The following ENPP3 variants were observed in gnomAD, a reference collection of about 807,000 sequenced individuals.
ENPP3 encodes ectonucleotide pyrophosphatase/phosphodiesterase 3, also known as ectonucleotide pyrophosphatase/phosphodiesterase family member 3.
Under a neutral mutation model 117.8 loss-of-function variants are expected in ENPP3, and 104 were observed. The ratio of observed to expected loss-of-function variants is 0.88; its 90% CI spans 0.75 to 1.04. The LOEUF (loss-of-function observed/expected upper bound fraction) is 1.04. ENPP3 is among the 50% of genes least tolerant of loss of function. The pLI is 0.00. For synonymous variants in ENPP3, 380 were observed against 349.9 expected (o/e 1.09, Z -0.96); for missense variants, 1,026 against 1,051.9 (o/e 0.98, Z 0.34).
At chr6:131,744,385 G>A (rs1295444018) in intron 24 of ENPP3, among the ~76,000 whole-genome samples, 1 of 152,174 alleles carries the variant, frequency 6.6e-6, no homozygotes, top group East Asian at 1.9e-4. Context: ...CAGAACTGCA[G>A]ATCTAGATTT....
intron 18 of ENPP3, 93 bp from the exon 19 acceptor site, chr6:131,723,947 G>A (rs753657440): frequency 3.3e-5 from 28 of 846,974 alleles, no homozygotes; most frequent in East Asian, 3.1e-4. Context: ...ACATTTAATC[G>A]ATTACTACAG....
At chr6:131,676,249 G>GT (rs202004046) in intron 9 of ENPP3, among the ~76,000 whole-genome samples, 11,843 of 139,004 alleles carry the variant, frequency 0.085, 1,330 homozygotes, top group African/African-American at 0.26. Context: ...CTCTGCTCTA[G>GT]TTTTTTTTTT....
intron 2 of ENPP3, among the ~76,000 whole-genome samples, chr6:131,647,024 C>A (rs774090782): frequency 4.1e-5 from 6 of 145,294 alleles, no homozygotes; most frequent in East Asian, 2.0e-4. Context: ...AAGGCACGTG[C>A]CACTGCACCC....
In ENPP3 at chr6:131,726,198, T is replaced by C. The variant is rs775710171; in HGVS notation, c.1951T>C (p.Leu651=). The C allele has an allele frequency of 4.3e-6, 7 of 1,613,100 alleles. No individual in the cohort carries two copies. The South Asian group carries it at 6.6e-5, about 15-fold the overall frequency. Reference sequence around the variant, plus strand: ...GTGGAGTTCATACACAGTCCCCCAGTTGGTAAGTTCCTGAGTCCATTGATC... The same window carrying C: ...GTGGAGTTCATACACAGTCCCCCAGCTGGTAAGTTCCTGAGTCCATTGATC... ...PMWSSYTVPQ[L]GDTSPLPPTV... The change falls in exon 20 of 25, where the codon TTG becomes CTG. Residue 651 remains leucine, a splice_region_variant and synonymous_variant. Transcript: ENST00000357639.
intron 24 of ENPP3, among the ~76,000 whole-genome samples, chr6:131,746,035 A>C (rs1780628994): frequency 6.6e-6 from 1 of 151,848 alleles, no homozygotes; most frequent in Non-Finnish European, 1.5e-5. Context: ...GCTGGAGTGC[A>C]GTGAGCCAAG....
intron 15 of ENPP3, chr6:131,700,982 G>A (rs1356326581): frequency 6.9e-6 from 4 of 581,934 alleles, no homozygotes; most frequent in East Asian, 6.0e-5. Context: ...CGAGGGTGAT[G>A]CAGACTCTCC....
chr6:131,743,658 A>G (rs1780575139), intron 24 of ENPP3, among the ~76,000 whole-genome samples: 1 of 151,712 alleles, frequency 6.6e-6, no homozygotes, highest in African/African-American at 2.4e-5. Flanking sequence ...GACCCCATCT[A>G]TACTAAAAAT....
chr6:131,701,882 CAGAAAAAAAAAAAAAAGAAA>C (rs1779541897), intron 15 of ENPP3, among the ~76,000 whole-genome samples: 1 of 99,898 alleles, frequency 1.0e-5, no homozygotes, highest in Admixed American at 9.7e-5. Context: ...ACTCTGTCTC[CAGAAAAAAAAAAAAAAGAAA>C]AGAAAAAAAA....
At chr6:131,716,410 A>T (rs116585638) in intron 15 of ENPP3, among the ~76,000 whole-genome samples, 1 of 152,118 alleles carries the variant, frequency 6.6e-6, no homozygotes, top group Admixed American at 6.5e-5. Flanking sequence ...AATATTTACT[A>T]TAGTTTTTAA....
chr6:131,723,893 G>T, intron 18 of ENPP3, 147 bp from the exon 19 acceptor site: 27 of 540,920 alleles, frequency 5.0e-5, no homozygotes, highest in Middle Eastern at 5.8e-4. Context: ...CTGAATAGTG[G>T]CAGAATCAGA....
chr6:131,688,012 C>G (rs1779191026), intron 14 of ENPP3, among the ~76,000 whole-genome samples: 1 of 152,114 alleles, frequency 6.6e-6, no homozygotes, highest in Non-Finnish European at 1.5e-5. Context: ...CTGAGCATGT[C>G]TATCCAGTGC....
At chr6:131,694,363 A>C (rs1028384044) in intron 15 of ENPP3, among the ~76,000 whole-genome samples, 2 of 152,234 alleles carry the variant, frequency 1.3e-5, no homozygotes, top group African/African-American at 4.8e-5. Context: ...ACTGAAAATA[A>C]GCCAGTAAAC....
At chr6:131,717,318 G>A (rs9493074) in intron 15 of ENPP3, among the ~76,000 whole-genome samples, 147 of 148,022 alleles carry the variant, frequency 9.9e-4, no homozygotes, top group African/African-American at 3.7e-3. Flanking sequence ...TAGTCGAGTC[G>A]AGTTTGTAAA....
At position 131,737,416 on chromosome 6, in the gene ENPP3, G is replaced by C; in HGVS notation, c.2151G>C (p.Met717Ile). The C allele has an allele frequency of 6.3e-7, 1 of 1,586,184 alleles. No individual in the cohort carries two copies. The highest frequency in any genetic ancestry group is 8.6e-7 in the Non-Finnish European group (1 of 1,156,160). Residue 717 changes from methionine (M) to isoleucine (I), a missense_variant, in exon 22 of 25, where the codon ATG becomes ATC. Physicochemically the swap from Met to Ile is conservative, Grantham distance 10. Transcript: ENST00000357639. ...DALITSNLVP[M>I]YEEFRKMWDY... The stretch of plus-strand genomic sequence containing the variant: ...TAATTACTAGCAATTTGGTACCTAT[G>C]TATGAAGAATTCAGAAGTAAGTATG...
intron 6 of ENPP3, among the ~76,000 whole-genome samples, chr6:131,659,947 T>C (rs1053497650): frequency 2.0e-5 from 3 of 152,202 alleles, no homozygotes; most frequent in Non-Finnish European, 4.4e-5. Context: ...AGAAATGACA[T>C]CAATGAAATA....
At chr6:131,678,962 C>T (rs6918537) in intron 11 of ENPP3, among the ~76,000 whole-genome samples, 3,311 of 40,146 alleles carry the variant, frequency 0.082, 46 homozygotes, top group African/African-American at 0.11. Flanking sequence ...TCTTTCTTTC[C>T]TTCCTTCCTT....
intron 24 of ENPP3, among the ~76,000 whole-genome samples, chr6:131,742,989 G>A (rs1161605573): frequency 6.6e-6 from 1 of 152,170 alleles, no homozygotes; most frequent in Admixed American, 6.6e-5. Flanking sequence ...TTGCAGTATA[G>A]TAATAAGAAT....
intron 2 of ENPP3, among the ~76,000 whole-genome samples, chr6:131,647,290 A>G (rs149108394): frequency 1.6e-4 from 25 of 152,364 alleles, no homozygotes; most frequent in African/African-American, 5.8e-4. Context: ...GTGTTAAAAT[A>G]ACTTCTACTG....
intron 6 of ENPP3, among the ~76,000 whole-genome samples, chr6:131,660,721 T>A (rs80287565): frequency 0.044 from 6,749 of 152,302 alleles, 219 homozygotes; most frequent in Middle Eastern, 0.075. Flanking sequence ...TGTCTGCTTT[T>A]TAAATTTTGT....
Sources: allele counts gnomAD v4.1 joint callset (sites outside exome capture counted in the v4.1 genomes callset), GRCh38; gene constraint gnomAD v4.1.1; transcripts MANE v1.5; gene names NCBI Gene and HGNC (gene_info 2026-07-23, HGNC 2026-07-21).